STX7: variants seen among roughly 807,000 people sequenced by gnomAD.
STX7 encodes the protein syntaxin-7.
STX7 carries 34 observed loss-of-function variants against 39.6 expected under a neutral mutation model. That is an observed-to-expected ratio of 0.86 (90% CI 0.65 to 1.14). The LOEUF is 1.14. Ranked by LOEUF, STX7 falls within the 50% of genes most tolerant of loss-of-function variation. The pLI is 0.00. For missense variants in STX7, 284 were observed against 310.4 expected, an observed-to-expected ratio of 0.92 and a Z score of 0.64; for synonymous variants, 119 against 99.1, an observed-to-expected ratio of 1.20 and a Z score of -1.19.
rs550389518 is a variant in STX7, at chr6:132,494,243, G to C, written c.85+9203C>G. On this transcript the variant is annotated intron_variant, in intron 2 of 9. Coordinates refer to ENST00000367941, the MANE Select transcript of STX7 (RefSeq NM_003569.3). ...CAACCAATAACAAGAGAAAAAAAAAGTAAGCACCAAAAAACCTGTATAGTG... is the reference window on the plus strand; with the variant it reads ...CAACCAATAACAAGAGAAAAAAAAACTAAGCACCAAAAAACCTGTATAGTG... Among the ~76,000 whole-genome samples the C allele has an allele frequency of 5.6e-5, 8 of 143,368 alleles. No individual in the cohort carries two copies. The East Asian group carries it at 9.7e-4, about 17-fold the overall frequency. The allele number at this position is 143,368 out of a possible 152,430, so 94.1% of individuals were successfully genotyped here.
At chr6:132,506,619 G>GA (rs1312921527) in intron 1 of STX7, among the ~76,000 whole-genome samples, 1 of 151,856 alleles carries the variant, frequency 6.6e-6, no homozygotes, top group Non-Finnish European at 1.5e-5. Flanking sequence ...GGAAAAAAAA[G>GA]AAAAAAAGTC....
intron 1 of STX7, 111 bp downstream of exon 1, chr6:132,512,896 C>T (rs1775889196): frequency 6.6e-6 from 1 of 152,276 alleles, no homozygotes; most frequent in African/African-American, 2.4e-5. Flanking sequence ...CTGCAGAGCG[C>T]AGGGCGGCGG....
intron 9 of STX7, among the ~76,000 whole-genome samples, chr6:132,463,228 C>T (rs908057345): frequency 6.6e-5 from 10 of 151,724 alleles, no homozygotes; most frequent in Admixed American, 2.6e-4. Context: ...TTAATAAGGT[C>T]AAGAAAATGA....
chr6:132,490,769 G>C (rs1775260322), intron 2 of STX7, among the ~76,000 whole-genome samples: 1 of 152,144 alleles, frequency 6.6e-6, no homozygotes, highest in Non-Finnish European at 1.5e-5. Context: ...GTGGGAAAAG[G>C]AGACACGGAA....
chr6:132,483,221 A>G (rs762211956), intron 2 of STX7, among the ~76,000 whole-genome samples: 25 of 152,234 alleles, frequency 1.6e-4, no homozygotes, highest in Non-Finnish European at 2.8e-4. Context: ...ATAAAATGGC[A>G]TAGTATTTGC....
intron 3 of STX7, among the ~76,000 whole-genome samples, chr6:132,474,993 T>C (rs1345942899): frequency 6.6e-6 from 1 of 152,136 alleles, no homozygotes; most frequent in Admixed American, 6.6e-5. Flanking sequence ...GATTTTTAGC[T>C]ATGGAAAGTA....
intron 2 of STX7, among the ~76,000 whole-genome samples, chr6:132,481,685 T>TG (rs2114411628): frequency 6.6e-6 from 1 of 152,026 alleles, no homozygotes; most frequent in Admixed American, 6.6e-5. Flanking sequence ...TGAACAGAAA[T>TG]GGAAGACAAG....
chr6:132,472,227 G>T, intron 4 of STX7, 55 bp downstream of exon 4: 4 of 1,344,296 alleles, frequency 3.0e-6, no homozygotes, highest in Non-Finnish European at 4.2e-6. Context: ...ATCCTACAGT[G>T]CACTGGGTTT....
intron 2 of STX7, 122 bp from the exon 3 acceptor site, chr6:132,475,784 T>TTTGTTTTCC (rs376530941): frequency 1.6e-4 from 80 of 514,766 alleles, no homozygotes; most frequent in South Asian, 2.4e-4. Context: ...AAGATGAAAA[T>TTTGTTTTCC]AGAAAATATT....
chr6:132,503,508 C>T lies in STX7; in HGVS notation c.23G>A (p.Gly8Asp). The change falls in exon 2 of 10, where the codon GGT becomes GAT. Residue 8 changes from glycine to aspartate, a missense_variant. Physicochemically the swap from Gly to Asp is moderately conservative, Grantham distance 94 (BLOSUM62 -1). Coordinates refer to ENST00000367941, the MANE Select transcript of STX7 (RefSeq NM_003569.3). ...CTGGGCCAACTGGGCGGGGTCACCA[C>T]CAACTCCTGGAGTGTAAGACATGGT... The part of the protein sequence containing the change: MSYTPGV[G>D]GDPAQLAQRI... The T allele has an allele frequency of 6.2e-7, 1 of 1,614,090 alleles. No individual in the cohort carries two copies. The highest frequency in any genetic ancestry group is 8.5e-7 in the Non-Finnish European group (1 of 1,179,962).
intron 1 of STX7, among the ~76,000 whole-genome samples, chr6:132,503,880 T>C (rs1031003934): frequency 6.6e-6 from 1 of 152,234 alleles, no homozygotes; most frequent in Non-Finnish European, 1.5e-5. Flanking sequence ...ATCCCTTACC[T>C]GTATATAATT....
rs1774224861 is a variant in STX7, at chr6:132,455,592, G to A, written c.*5166C>T. ...CACCACTTACATTTTAAGCATAAATGCCATCACTACACAAAACCTACGGGA... is the reference window on the plus strand; with the variant it reads ...CACCACTTACATTTTAAGCATAAATACCATCACTACACAAAACCTACGGGA... On this transcript the variant is annotated 3_prime_UTR_variant, in exon 10 of 10. Transcript: ENST00000367941. 2 of 152,152 alleles carry A rather than the reference G, an allele frequency of 1.3e-5. No individual in the cohort carries two copies. The highest frequency in any genetic ancestry group is 4.2e-4 in the South Asian group (2 of 4,818). The allele number at this position is 152,152 out of a possible 1,614,324, so 9.4% of individuals were successfully genotyped here. A position where few individuals can be genotyped will look rare whatever the true frequency, so the allele number is the denominator to read the frequency against.
At chr6:132,490,890 A>G (rs2114440415) in intron 2 of STX7, among the ~76,000 whole-genome samples, 1 of 152,248 alleles carries the variant, frequency 6.6e-6, no homozygotes, top group Admixed American at 6.5e-5. Flanking sequence ...GGATGACATC[A>G]GGGATGGAGC....
At chr6:132,460,893 C>T in intron 9 of STX7, 43 bp from the exon 10 acceptor site, 1 of 1,553,552 alleles carries the variant, frequency 6.4e-7, no homozygotes, top group South Asian at 1.1e-5. Flanking sequence ...AACATGTTTA[C>T]AGATTTAGTG....
rs1235461508 is a variant in STX7, at chr6:132,446,958, G to A, written c.*13800C>T. The stretch of plus-strand genomic sequence containing the variant: ...CAGTACTCTAAAAGAAGGCCTAGGA[G>A]CCATGAATAACTGCCGAGGGTACCA... On this transcript the variant is annotated 3_prime_UTR_variant, in exon 10 of 10. Transcript: ENST00000367941. 1.3e-5 allele frequency: 2 copies of A among 152,182 alleles called. No homozygotes were observed. The highest frequency in any genetic ancestry group is 4.8e-5 in the African/African-American group (2 of 41,446). 9.4% of individuals were successfully genotyped at this position (152,182 alleles called of 1,614,324 possible).
At chr6:132,487,045 A>G (rs1458349036) in intron 2 of STX7, among the ~76,000 whole-genome samples, 2 of 152,168 alleles carry the variant, frequency 1.3e-5, no homozygotes, top group Non-Finnish European at 2.9e-5. Context: ...CGAATTCTTC[A>G]ATTTTTTGGA....
chr6:132,493,909 A>G (rs912237918), intron 2 of STX7, among the ~76,000 whole-genome samples: 2 of 152,220 alleles, frequency 1.3e-5, no homozygotes, highest in African/African-American at 4.8e-5. Flanking sequence ...TACACAACTA[A>G]CCATGAATAT....
At chr6:132,507,343 C>T (rs1775729537) in intron 1 of STX7, among the ~76,000 whole-genome samples, 1 of 152,168 alleles carries the variant, frequency 6.6e-6, no homozygotes, top group Non-Finnish European at 1.5e-5. Context: ...CAATACAATA[C>T]ACCTACTTGA....
chr6:132,498,427 G>T (rs1775471934), intron 2 of STX7, among the ~76,000 whole-genome samples: 1 of 150,428 alleles, frequency 6.6e-6, no homozygotes, highest in African/African-American at 2.5e-5. Flanking sequence ...TTTTTTGGGG[G>T]TATAAACTAA....
Sources: allele counts gnomAD v4.1 joint callset (sites outside exome capture counted in the v4.1 genomes callset), GRCh38; gene constraint gnomAD v4.1.1; transcripts MANE v1.5; gene names NCBI Gene and HGNC (gene_info 2026-07-23, HGNC 2026-07-21).